ZEB2: variants seen among roughly 807,000 people sequenced by gnomAD.
The protein encoded by ZEB2 is zinc finger E-box-binding homeobox 2.
A neutral mutation model predicts 99.9 loss-of-function variants in ZEB2; 6 were observed. The observed-to-expected ratio is 0.06, with a 90% CI of 0.03 to 0.12. ZEB2 has a LOEUF of 0.12. Among genes scored for constraint, ZEB2 ranks in the 10% least tolerant of loss-of-function variants. The pLI, the probability that ZEB2 is intolerant of heterozygous loss-of-function variation, is 1.00. For synonymous variants in ZEB2, 517 were observed against 542.5 expected (o/e 0.95, Z 0.65); for missense variants, 969 against 1,502.8 (o/e 0.64, Z 5.87).
At chr2:144,440,503 ATATATATATATATTTTTTTTTTTT>A (rs1268939495) in intron 2 of ZEB2, among the ~76,000 whole-genome samples, 424 of 39,076 alleles carry the variant, frequency 0.011, 3 homozygotes, top group Middle Eastern at 0.027. Context: ...ATATATATAT[ATATATATATATATTTTTTTTTTTT>A]TTTTTTTTTT....
At chr2:144,480,150 T>C (rs941030663) in intron 2 of ZEB2, among the ~76,000 whole-genome samples, 1 of 152,138 alleles carries the variant, frequency 6.6e-6, no homozygotes, top group Non-Finnish European at 1.5e-5. Flanking sequence ...TAGTCTTTTA[T>C]TTGATTTGAT....
chr2:144,517,602 T>C, intron 1 of ZEB2, 183 bp from the exon 2 acceptor site: 2 of 502,292 alleles, frequency 4.0e-6, no homozygotes, highest in South Asian at 1.6e-5. Context: ...AGGCGCTTTG[T>C]GTTTGTTACT....
intron 2 of ZEB2, among the ~76,000 whole-genome samples, chr2:144,499,825 G>A (rs958883724): frequency 6.6e-6 from 1 of 151,970 alleles, no homozygotes; most frequent in Non-Finnish European, 1.5e-5. Context: ...ATTTTGACCC[G>A]TGTAACAATT....
chr2:144,429,942 G>T lies in ZEB2; in HGVS notation c.158C>A (p.Ala53Asp), dbSNP rs730881185. 2 of 1,613,770 alleles carry T rather than the reference G, an allele frequency of 1.2e-6. No individual in the cohort carries two copies. Among genetic ancestry groups the T allele is most frequent in the Non-Finnish European group, 1.7e-6 (2 of 1,179,878 alleles). The change falls in exon 3 of 10, where the codon GCC becomes GAC. Residue 53 changes from alanine to aspartate, a missense_variant. Coordinates refer to ENST00000627532, the MANE Select transcript of ZEB2 (RefSeq NM_014795.4). The stretch of plus-strand genomic sequence containing the variant: ...ACTCGTCTCCTGGTCCAGAGGGTTG[G>T]CAATACCGTCATCCTCAGCAATATG... ...KLHIAEDDGI[A>D]NPLDQETSPA...
Position 144,395,367 on chromosome 2 carries a change from T to TC in ZEB2, c.3067+1044dup, listed in dbSNP as rs1231961198. ...TCATCGCTTTTCCCCCAAAAAGCTT[T>TC]CCCCCCAAAGTGCTAGTTTTTTTTC... On this transcript the variant is annotated intron_variant, in intron 9 of 9. Coordinates refer to ENST00000627532, the MANE Select transcript of ZEB2 (RefSeq NM_014795.4). Among the ~76,000 whole-genome samples the TC allele has an allele frequency of 2.0e-5, 3 of 152,068 alleles. No homozygotes were observed. The East Asian group carries it at 5.8e-4, about 29-fold the overall frequency.
At chr2:144,459,066 C>T (rs1704158519) in intron 2 of ZEB2, among the ~76,000 whole-genome samples, 1 of 152,068 alleles carries the variant, frequency 6.6e-6, no homozygotes, top group African/African-American at 2.4e-5. Context: ...CTAAGCCACA[C>T]ATATATGTAT....
At chr2:144,513,039 T>G (rs1287166380) in intron 2 of ZEB2, 1 of 1,287,234 alleles carries the variant, frequency 7.8e-7, no homozygotes, top group South Asian at 1.2e-5. Context: ...GAAACTTCCT[T>G]GTCTAAGTGT....
chr2:144,424,652 T>C (rs574328467), intron 4 of ZEB2, 144 bp downstream of exon 4: 84 of 978,848 alleles, frequency 8.6e-5, no homozygotes, highest in Non-Finnish European at 1.3e-4. Flanking sequence ...AAATTTTGAT[T>C]TGAAACAAAA....
At chr2:144,510,280 T>C (rs1338358425) in intron 2 of ZEB2, among the ~76,000 whole-genome samples, 2 of 152,138 alleles carry the variant, frequency 1.3e-5, no homozygotes, top group African/African-American at 4.8e-5. Flanking sequence ...GATTTATCAG[T>C]GTGTTCAGGC....
intron 9 of ZEB2, among the ~76,000 whole-genome samples, chr2:144,394,218 G>T (rs933562810): frequency 6.6e-6 from 1 of 152,144 alleles, no homozygotes; most frequent in Non-Finnish European, 1.5e-5. Context: ...ACCGCATCAG[G>T]CCTGAAGTTT....
At chr2:144,406,641 G>C (rs1463678670) in intron 4 of ZEB2, among the ~76,000 whole-genome samples, 2 of 152,200 alleles carry the variant, frequency 1.3e-5, no homozygotes, top group Non-Finnish European at 2.9e-5. Flanking sequence ...TAAGGGTGGA[G>C]AGTAAGGCGG....
chr2:144,454,914 A>C (rs941982910), intron 2 of ZEB2: 2 of 151,972 alleles, frequency 1.3e-5, no homozygotes, highest in African/African-American at 4.8e-5. Context: ...CACCACACAC[A>C]CCCTCTATGC....
intron 4 of ZEB2, among the ~76,000 whole-genome samples, chr2:144,414,574 TG>T (rs780181725): frequency 6.6e-6 from 1 of 151,908 alleles, no homozygotes. Context: ...AAGGGCAGGG[TG>T]GGGTGGAGTT....
In ZEB2 at chr2:144,517,334, A is replaced by G; in HGVS notation, c.17T>C (p.Met6Thr). Residue 6 changes from methionine (M) to threonine (T), a missense_variant, in exon 2 of 10, where the codon ATG becomes ACG. Around this residue, in one of 8 missense-constraint regions of ZEB2, gnomAD observed 173 missense variants for 217.7 expected, o/e 0.79. Coordinates refer to ENST00000627532, the MANE Select transcript of ZEB2 (RefSeq NM_014795.4). The stretch of plus-strand genomic sequence containing the variant: ...CCTCTTGCACCGGGGGCCATCCGCC[A>G]TGATCGGCTGCTTCATTGATAAGAG... MKQPI[M>T]ADGPRCKRRK... The G allele has an allele frequency of 6.2e-7, 1 of 1,613,458 alleles. No individual in the cohort carries two copies. The highest frequency in any genetic ancestry group is 8.5e-7 in the Non-Finnish European group (1 of 1,179,816).
intron 9 of ZEB2, among the ~76,000 whole-genome samples, chr2:144,394,216 A>G (rs550666453): frequency 6.6e-6 from 1 of 152,308 alleles, no homozygotes; most frequent in East Asian, 1.9e-4. Flanking sequence ...CCACCGCATC[A>G]GGCCTGAAGT....
chr2:144,513,739 C>T, intron 2 of ZEB2: 1 of 1,536,030 alleles, frequency 6.5e-7, no homozygotes, highest in Non-Finnish European at 8.7e-7. Context: ...ACGGGCCGCA[C>T]CGGTGGCAAG....
In ZEB2 at chr2:144,517,340, G is replaced by C. The variant is rs577362409; in HGVS notation, c.11C>G (p.Pro4Arg). The change falls in exon 2 of 10, where the codon CCG becomes CGG. Residue 4 changes from proline to arginine, a missense_variant. Coordinates refer to ENST00000627532, the MANE Select transcript of ZEB2 (RefSeq NM_014795.4). ...GCACCGGGGGCCATCCGCCATGATC[G>C]GCTGCTTCATTGATAAGAGCGGATC... MKQPIMADGPRCKR... is the reference protein window; with the variant it reads MKQRIMADGPRCKR... The C allele has an allele frequency of 1.2e-6, 2 of 1,613,560 alleles. No individual in the cohort carries two copies. The highest frequency in any genetic ancestry group is 1.7e-5 in the Admixed American group (1 of 60,016).
intron 4 of ZEB2, among the ~76,000 whole-genome samples, chr2:144,407,036 A>T (rs2149880673): frequency 6.6e-6 from 1 of 152,336 alleles, no homozygotes; most frequent in South Asian, 2.1e-4. Flanking sequence ...TCCAAATTTG[A>T]TGGATGGTAG....
chr2:144,401,926 T>A (rs1361594564), intron 6 of ZEB2, among the ~76,000 whole-genome samples: 1 of 152,318 alleles, frequency 6.6e-6, no homozygotes, highest in Non-Finnish European at 1.5e-5. Context: ...GTAGCAAATA[T>A]AAGCCCAGTT....
Sources: allele counts gnomAD v4.1 joint callset (sites outside exome capture counted in the v4.1 genomes callset), GRCh38; gene constraint gnomAD v4.1.1; regional missense constraint gnomAD v4.1.1; transcripts MANE v1.5; gene names NCBI Gene and HGNC (gene_info 2026-07-23, HGNC 2026-07-21).